The following DLGAP2 variants were observed in gnomAD, a reference collection of about 807,000 sequenced individuals.
The protein encoded by DLGAP2 is DLG associated protein 2.
Under a neutral mutation model 100.3 loss-of-function variants are expected in DLGAP2, and 26 were observed. That is an observed-to-expected ratio of 0.26 (90% confidence interval 0.19 to 0.36). The LOEUF is 0.36. DLGAP2 is among the 10% of genes least tolerant of loss of function. The pLI, the probability that DLGAP2 is intolerant of heterozygous loss-of-function variation, is 1.00. For synonymous variants in DLGAP2, 886 were observed against 630.1 expected (o/e 1.41, Z -6.08); for missense variants, 1,858 against 1,453.2 (o/e 1.28, Z -4.53).
intron 2 of DLGAP2, among the ~76,000 whole-genome samples, chr8:1,120,744 A>T (rs1796018190): frequency 1.3e-5 from 2 of 151,218 alleles, no homozygotes; most frequent in Non-Finnish European, 2.9e-5. Context: ...ACCCATGAAC[A>T]CCCATCCTAA....
rs141354499 is a variant in DLGAP2 at position 1,452,851 on chromosome 8, G to A, written c.107-48515G>A. On this transcript the variant is annotated intron_variant, in intron 3 of 14. Coordinates refer to ENST00000637795, the MANE Select transcript of DLGAP2 (RefSeq NM_001346810.2). ...TATGAAACCAGATTGTCTCAGGACGGTGCCCATTAAAGAGTCTCTGTTTTT... is the reference window on the plus strand; with the variant it reads ...TATGAAACCAGATTGTCTCAGGACGATGCCCATTAAAGAGTCTCTGTTTTT... Among the ~76,000 whole-genome samples the A allele has an allele frequency of 2.8e-3, 424 of 152,292 alleles. 1 individual carries two copies. The highest frequency in any genetic ancestry group is 9.2e-3 in the African/African-American group (381 of 41,562).
At chr8:1,583,310 C>T (rs1340742606) in intron 6 of DLGAP2, among the ~76,000 whole-genome samples, 1 of 152,164 alleles carries the variant, frequency 6.6e-6, no homozygotes, top group Admixed American at 6.5e-5. Flanking sequence ...TTGATGGACG[C>T]ATCTGAGAAG....
intron 2 of DLGAP2, among the ~76,000 whole-genome samples, chr8:1,100,293 T>G (rs374527619): frequency 4.1e-5 from 6 of 144,706 alleles, no homozygotes; most frequent in African/African-American, 1.0e-4. Context: ...GTCCACAGTG[T>G]ACAGCGTGTG....
At chr8:1,683,214 G>C (rs891513024) in intron 12 of DLGAP2, among the ~76,000 whole-genome samples, 5 of 151,662 alleles carry the variant, frequency 3.3e-5, no homozygotes, top group Admixed American at 3.3e-4. Flanking sequence ...CACCTGGGAA[G>C]ATTCTCAGAA....
intron 8 of DLGAP2, among the ~76,000 whole-genome samples, chr8:1,638,928 G>T (rs144959304): frequency 3.9e-5 from 6 of 152,362 alleles, no homozygotes; most frequent in Admixed American, 6.5e-5. Flanking sequence ...TGATGCTGTT[G>T]CAGCCCAGAG....
In DLGAP2 at chr8:1,477,054, G is replaced by T. The variant is rs142633158; in HGVS notation, c.107-24312G>T. On this transcript the variant is annotated intron_variant, in intron 3 of 14. Transcript: ENST00000637795. ...TCTCAGGTCATTCCTTCAGAGCAAA[G>T]CCTCCACCGCAGACACAATTAATCA... 5.2e-4 allele frequency among the ~76,000 whole-genome samples: 79 copies of T among 152,362 alleles called. No individual in the cohort carries two copies. In the East Asian group the frequency reaches 0.014, roughly 26 times the overall value.
intron 3 of DLGAP2, among the ~76,000 whole-genome samples, chr8:1,468,175 A>T (rs566397932): frequency 6.6e-6 from 1 of 151,848 alleles, no homozygotes; most frequent in African/African-American, 2.4e-5. Flanking sequence ...CCTTCTGAGA[A>T]CCTCCCCAGT....
intron 7 of DLGAP2, among the ~76,000 whole-genome samples, chr8:1,632,080 A>G (rs1797661309): frequency 6.6e-6 from 1 of 151,892 alleles, no homozygotes; most frequent in African/African-American, 2.4e-5. Context: ...GTGAGGGGAG[A>G]AAGAGAGACA....
intron 2 of DLGAP2, among the ~76,000 whole-genome samples, chr8:1,145,386 C>A (rs2129050954): frequency 6.6e-6 from 1 of 152,310 alleles, no homozygotes; most frequent in South Asian, 2.1e-4. Flanking sequence ...GTTCCACTCG[C>A]CCAGCGTGGG....
chr8:1,555,689 C>T (rs934091866), intron 5 of DLGAP2, among the ~76,000 whole-genome samples: 13 of 152,224 alleles, frequency 8.5e-5, no homozygotes, highest in African/African-American at 1.9e-4. Flanking sequence ...GGTGTGTCAT[C>T]GCTGGGAGCA....
At chr8:1,041,650 G>A (rs1411558377) in intron 2 of DLGAP2, among the ~76,000 whole-genome samples, 1 of 78,080 alleles carries the variant, frequency 1.3e-5, no homozygotes, top group African/African-American at 5.7e-5. Context: ...GCCCCTTGCC[G>A]TGGGTGAGTG....
chr8:1,421,965 C>G lies in DLGAP2; in HGVS notation c.107-79401C>G, dbSNP rs530393975. Among the ~76,000 whole-genome samples the G allele has an allele frequency of 8.6e-5, 13 of 150,732 alleles. No homozygotes were observed. The South Asian group carries it at 1.3e-3, about 15-fold the overall frequency. ...TGGGCGACAAAGTGAGACTCCATCTCAAAAAAAAGAAAAAAGAAAAAAGAG... is the reference window on the plus strand; with the variant it reads ...TGGGCGACAAAGTGAGACTCCATCTGAAAAAAAAGAAAAAAGAAAAAAGAG... On this transcript the variant is annotated intron_variant, in intron 3 of 14. Coordinates refer to ENST00000637795, the MANE Select transcript of DLGAP2 (RefSeq NM_001346810.2).
chr8:1,036,477 C>T (rs532787357), intron 2 of DLGAP2, among the ~76,000 whole-genome samples: 13 of 152,178 alleles, frequency 8.5e-5, no homozygotes, highest in Admixed American at 1.3e-4. Flanking sequence ...GTCAGTCTGG[C>T]GGCCGTGGGG....
chr8:1,240,945 CGTGTCTAGTTCTCTT>C (rs1798778844), intron 2 of DLGAP2, among the ~76,000 whole-genome samples: 2 of 5,540 alleles, frequency 3.6e-4, no homozygotes, highest in Admixed American at 1.2e-3. Flanking sequence ...CACATGGCGC[CGTGTCTAGTTCTCTT>C]ACATGGCGCC....
chr8:763,744 G>A (rs1282204339), intron 1 of DLGAP2, among the ~76,000 whole-genome samples: 1 of 152,116 alleles, frequency 6.6e-6, no homozygotes, highest in Admixed American at 6.6e-5. Context: ...TGAGTGCAAG[G>A]CACTGAACAC....
At chr8:1,377,633 T>C (rs1219844542) in intron 3 of DLGAP2, among the ~76,000 whole-genome samples, 1 of 152,192 alleles carries the variant, frequency 6.6e-6, no homozygotes, top group Non-Finnish European at 1.5e-5. Context: ...CCCCAGCCTG[T>C]CAGAACCCAG....
intron 1 of DLGAP2, among the ~76,000 whole-genome samples, chr8:836,229 G>A (rs924309153): frequency 5.9e-5 from 9 of 152,206 alleles, no homozygotes; most frequent in Non-Finnish European, 1.3e-4. Context: ...GCCGCCTCCT[G>A]CTTCCAGTGC....
intron 3 of DLGAP2, among the ~76,000 whole-genome samples, chr8:1,392,848 G>T (rs1350579202): frequency 4.7e-5 from 7 of 148,844 alleles, no homozygotes; most frequent in Non-Finnish European, 1.0e-4. Context: ...ATGTATGTGT[G>T]TTGGAATGGG....
intron 1 of DLGAP2, among the ~76,000 whole-genome samples, chr8:790,904 C>G (rs537423975): frequency 7.9e-5 from 12 of 152,090 alleles, no homozygotes; most frequent in Non-Finnish European, 1.8e-4. Flanking sequence ...CGCCACCATG[C>G]CTGACTAATT....
Sources: allele counts gnomAD v4.1 joint callset (sites outside exome capture counted in the v4.1 genomes callset), GRCh38; gene constraint gnomAD v4.1.1; transcripts MANE v1.5; gene names NCBI Gene and HGNC (gene_info 2026-07-23, HGNC 2026-07-21).